Variants in NR3C1 observed in about 807,000 individuals in gnomAD.
NR3C1 encodes glucocorticoid receptor.
Under a neutral mutation model 74.0 loss-of-function variants are expected in NR3C1, and 14 were observed. The observed-to-expected ratio is 0.19, with a 90% CI of 0.12 to 0.30. The LOEUF (loss-of-function observed/expected upper bound fraction) is 0.30. Ranked by LOEUF, NR3C1 falls within the 10% of genes least tolerant of loss-of-function variation. NR3C1 has a pLI of 1.00. For missense variants in NR3C1, 695 were observed against 909.8 expected (o/e 0.76, Z 3.04); for synonymous variants, 308 against 332.5 (o/e 0.93, Z 0.80).
In NR3C1 at chr5:143,300,604, A is replaced by G; in HGVS notation, c.1628T>C (p.Val543Ala). 6.2e-7 allele frequency: 1 copy of G among 1,614,148 alleles called. No homozygotes were observed. The highest frequency in any genetic ancestry group is 8.5e-7 in the Non-Finnish European group (1 of 1,180,006). ...AGAGCTATCATATCCTGCATATAAC[A>G]CTTCAGGTTCAATAACCTCCAACAG... is the stretch of plus-strand genomic sequence containing the variant. ...VSLLEVIEPE[V>A]LYAGYDSSVP... The change falls in exon 5 of 9, where the codon GTG becomes GCG. Residue 543 changes from valine to alanine, a missense_variant. Physicochemically the swap from Val to Ala is moderately conservative, Grantham distance 64. This residue lies in a region of NR3C1 where 133 missense variants were observed against 287.9 expected (regional missense o/e 0.46). Coordinates refer to ENST00000394464, the MANE Select transcript of NR3C1 (RefSeq NM_000176.3). This position sits in a 1 kb window ranked among gnomAD's most constrained non-coding sequence, Gnocchi z 5.2.
At chr5:143,420,451 G>T (rs1751162846) in intron 1 of NR3C1, among the ~76,000 whole-genome samples, 1 of 152,156 alleles carries the variant, frequency 6.6e-6, no homozygotes, top group Admixed American at 6.6e-5. Flanking sequence ...ACGTTCTTCT[G>T]CCATGGCTTC....
chr5:143,410,976 A>G (rs549751737), intron 1 of NR3C1, among the ~76,000 whole-genome samples: 358 of 152,254 alleles, frequency 2.4e-3, no homozygotes, highest in Non-Finnish European at 3.6e-3. Flanking sequence ...TTAAAAACCA[A>G]ATTATTTATA....
chr5:143,317,055 T>C (rs1002384234), intron 2 of NR3C1, among the ~76,000 whole-genome samples: 1 of 152,128 alleles, frequency 6.6e-6, no homozygotes, highest in Non-Finnish European at 1.5e-5. Flanking sequence ...AGATAAGAAC[T>C]GAGTACATGG....
At chr5:143,282,772 CTTT>C in intron 7 of NR3C1, 47 bp from the exon 8 acceptor site, 1 of 1,453,052 alleles carries the variant, frequency 6.9e-7, no homozygotes, top group East Asian at 2.4e-5. Flanking sequence ...TTTTTCTTTT[CTTT>C]TCTTTTTTTT....
intron 3 of NR3C1, among the ~76,000 whole-genome samples, chr5:143,312,893 G>A (rs1018328066): frequency 6.6e-6 from 1 of 152,148 alleles, no homozygotes; most frequent in Non-Finnish European, 1.5e-5. Context: ...GCAGGGCTGG[G>A]CTTTACTTTT....
intron 2 of NR3C1, among the ~76,000 whole-genome samples, 195 bp downstream of exon 2, chr5:143,399,461 G>C (rs1481260767): frequency 6.6e-6 from 1 of 152,032 alleles, no homozygotes; most frequent in Non-Finnish European, 1.5e-5. Context: ...ACTATTTAAG[G>C]AAAAAACCTG....
At chr5:143,379,222 CAAT>C (rs1835757026) in intron 2 of NR3C1, among the ~76,000 whole-genome samples, 1 of 152,140 alleles carries the variant, frequency 6.6e-6, no homozygotes, top group African/African-American at 2.4e-5. Context: ...GCCAGGTTTG[CAAT>C]AATAAAAGCA....
intron 2 of NR3C1, among the ~76,000 whole-genome samples, chr5:143,373,196 T>C (rs954256014): frequency 3.3e-5 from 5 of 152,154 alleles, no homozygotes; most frequent in African/African-American, 1.2e-4. Flanking sequence ...TGTGATCTAG[T>C]TATTCAATTT....
At chr5:143,407,860 A>G (rs192338872), upstream of NR3C1, among the ~76,000 whole-genome samples, 261 of 152,158 alleles carry the variant, frequency 1.7e-3, no homozygotes, top group Middle Eastern at 0.017. Flanking sequence ...ATATACAATA[A>G]CTCTTGATTC....
intron 2 of NR3C1, among the ~76,000 whole-genome samples, chr5:143,388,622 G>C (rs1837686999): frequency 6.6e-6 from 1 of 152,302 alleles, no homozygotes; most frequent in South Asian, 2.1e-4. Flanking sequence ...ATTTCAGATA[G>C]AGCAGTCAGA....
intron 2 of NR3C1, among the ~76,000 whole-genome samples, chr5:143,386,678 A>G (rs1251541729): frequency 6.6e-6 from 1 of 152,198 alleles, no homozygotes; most frequent in Non-Finnish European, 1.5e-5. Flanking sequence ...GCTTATTAAC[A>G]TTTTGGGGTA....
intron 2 of NR3C1, chr5:143,333,208 G>A (rs1268089007): frequency 1.5e-5 from 23 of 1,516,050 alleles, no homozygotes; most frequent in East Asian, 2.3e-5. Context: ...CGGGGTGAAC[G>A]CATCAATCAG....
intron 2 of NR3C1, among the ~76,000 whole-genome samples, chr5:143,351,092 C>G (rs1830147418): frequency 1.3e-5 from 2 of 152,226 alleles, no homozygotes; most frequent in Admixed American, 6.5e-5. Flanking sequence ...AATGCTTTTA[C>G]TACTTCTTGC....
upstream of NR3C1, among the ~76,000 whole-genome samples, chr5:143,406,444 C>A (rs887636116): frequency 6.7e-6 from 1 of 149,928 alleles, no homozygotes. Flanking sequence ...TTTCTCTCTT[C>A]AGCAATCTAA....
At chr5:143,310,803 G>A (rs1318261790) in intron 3 of NR3C1, among the ~76,000 whole-genome samples, 2 of 152,008 alleles carry the variant, frequency 1.3e-5, no homozygotes, top group Admixed American at 1.3e-4. Flanking sequence ...GATTACAGGT[G>A]CACGCCACCA....
At chr5:143,295,268 C>CTAT in intron 7 of NR3C1, 192 bp downstream of exon 7, 1 of 985,264 alleles carries the variant, frequency 1.0e-6, no homozygotes, top group Admixed American at 6.1e-5. Flanking sequence ...TCTGCCATAC[C>CTAT]TATTTGTCTT....
intron 7 of NR3C1, chr5:143,293,926 T>C: frequency 3.1e-6 from 3 of 982,876 alleles, no homozygotes; most frequent in Non-Finnish European, 3.6e-6. Context: ...TATACCTTCA[T>C]GGTATCAATC....
chr5:143,354,783 C>T (rs1830828055), intron 2 of NR3C1, among the ~76,000 whole-genome samples: 1 of 151,792 alleles, frequency 6.6e-6, no homozygotes, highest in Non-Finnish European at 1.5e-5. Flanking sequence ...ATTAGCCAGG[C>T]GTGGTGGCAC....
intron 1 of NR3C1, among the ~76,000 whole-genome samples, chr5:143,411,040 CTAAT>C (rs1841273520): frequency 6.6e-6 from 1 of 152,108 alleles, no homozygotes; most frequent in Non-Finnish European, 1.5e-5. Context: ...ACTTTACTGC[CTAAT>C]TATTTTACTC....
Sources: allele counts gnomAD v4.1 joint callset (sites outside exome capture counted in the v4.1 genomes callset), GRCh38; gene constraint gnomAD v4.1.1; regional missense constraint gnomAD v4.1.1; non-coding constraint Gnocchi (gnomAD v3.1); transcripts MANE v1.5; gene names NCBI Gene and HGNC (gene_info 2026-07-23, HGNC 2026-07-21).